The following MALRD1 variants were observed in gnomAD, a reference collection of about 807,000 sequenced individuals.
MALRD1 encodes the protein MAM and LDL receptor class A domain containing 1.
Under a neutral mutation model 242.1 loss-of-function variants are expected in MALRD1, and 247 were observed. That is an observed-to-expected ratio of 1.02 (90% CI 0.92 to 1.13). The LOEUF (loss-of-function observed/expected upper bound fraction) is 1.13, where lower values mean the gene tolerates loss of function less well. Ranked by LOEUF, MALRD1 falls within the 50% of genes most tolerant of loss-of-function variation. The probability of loss-of-function intolerance (pLI) is 0.00; values close to 1 mark genes in which losing one functional copy is unlikely to be tolerated. For missense variants in MALRD1, 2,989 were observed against 2,533.1 expected (o/e 1.18, Z -3.86); for synonymous variants, 995 against 866.6 (o/e 1.15, Z -2.60).
rs1013033672 is a variant in MALRD1, at chr10:19,216,026, C to T, written c.2991+6346C>T. Among the ~76,000 whole-genome samples, 4 of 151,314 alleles carry T rather than the reference C, an allele frequency of 2.6e-5. 1 individual carries two copies. The highest frequency in any genetic ancestry group is 7.3e-5 in the African/African-American group (3 of 41,312). On this transcript the variant is annotated intron_variant, in intron 18 of 39. Coordinates refer to ENST00000454679, the MANE Select transcript of MALRD1 (RefSeq NM_001142308.3). ...TCAAGACCTTTCCTTGTCAGTGATACATTAGAAAGGTAGAGTATTGAAAAA... is the reference window on the plus strand; with the variant it reads ...TCAAGACCTTTCCTTGTCAGTGATATATTAGAAAGGTAGAGTATTGAAAAA...
At chr10:19,485,366 G>A (rs1282137038) in intron 29 of MALRD1, among the ~76,000 whole-genome samples, 1 of 152,054 alleles carries the variant, frequency 6.6e-6, no homozygotes, top group Non-Finnish European at 1.5e-5. Flanking sequence ...AAAGAAGGCC[G>A]GGCACGGTGG....
chr10:19,460,736 T>C (rs1240494875), intron 29 of MALRD1, among the ~76,000 whole-genome samples: 1 of 152,128 alleles, frequency 6.6e-6, no homozygotes, highest in Non-Finnish European at 1.5e-5. Context: ...GTAAACATAG[T>C]ATAAAATGTT....
At chr10:19,612,934 A>G (rs1255411730) in intron 35 of MALRD1, among the ~76,000 whole-genome samples, 3 of 151,978 alleles carry the variant, frequency 2.0e-5, no homozygotes, top group Non-Finnish European at 4.4e-5. Flanking sequence ...TTGGATAGGG[A>G]CACAGAACCA....
chr10:19,561,327 G>A (rs926906644), intron 32 of MALRD1, among the ~76,000 whole-genome samples: 2 of 152,174 alleles, frequency 1.3e-5, no homozygotes, highest in African/African-American at 2.4e-5. Flanking sequence ...CTTTATAAAT[G>A]TAAATTAGAC....
chr10:19,182,053 G>A (rs1398657049), intron 14 of MALRD1, among the ~76,000 whole-genome samples: 2 of 151,794 alleles, frequency 1.3e-5, no homozygotes, highest in African/African-American at 4.8e-5. Flanking sequence ...TTATACTTTA[G>A]GAATTTCTTA....
In MALRD1 at chr10:19,667,594, A is replaced by ACTCTCT. The variant is rs140483883; in HGVS notation, c.6138-24673_6138-24668dup. On this transcript the variant is annotated intron_variant, in intron 36 of 39. Transcript: ENST00000454679. The stretch of plus-strand genomic sequence containing the variant: ...TAAAAGTGTGTGGCACCTCCCTGCC[A>ACTCTCT]CTCTCTCTCTCTCTCTCTCTTGCTT... Among the ~76,000 whole-genome samples, 7 of 139,868 alleles carry ACTCTCT rather than the reference A, an allele frequency of 5.0e-5. No individual in the cohort carries two copies. In the East Asian group the frequency reaches 1.5e-3, roughly 30 times the overall value. The allele number at this position is 139,868 out of a possible 152,430, so 91.8% of individuals were successfully genotyped here.
intron 19 of MALRD1, among the ~76,000 whole-genome samples, chr10:19,262,995 G>A (rs1025868866): frequency 1.6e-4 from 25 of 152,108 alleles, no homozygotes; most frequent in African/African-American, 5.8e-4. Flanking sequence ...ATGTTCCAAT[G>A]TACATATATA....
chr10:19,371,685 C>T (rs1324762399), intron 26 of MALRD1, among the ~76,000 whole-genome samples: 1 of 152,118 alleles, frequency 6.6e-6, no homozygotes, highest in Non-Finnish European at 1.5e-5. Context: ...TTCTGAAAGG[C>T]ATTGTTCTAT....
chr10:19,692,886 T>TATATATATATATATAA (rs373717863), intron 38 of MALRD1, among the ~76,000 whole-genome samples: 2,014 of 136,784 alleles, frequency 0.015, 49 homozygotes, highest in East Asian at 0.062. Context: ...TATATATATA[T>TATATATATATATATAA]AATTTCATCC....
intron 9 of MALRD1, among the ~76,000 whole-genome samples, chr10:19,135,302 G>T (rs1347399980): frequency 6.6e-6 from 1 of 152,140 alleles, no homozygotes; most frequent in Non-Finnish European, 1.5e-5. Context: ...CTACAGGCAT[G>T]TGCCACCATG....
At chr10:19,245,196 C>A (rs770234362) in intron 18 of MALRD1, among the ~76,000 whole-genome samples, 9 of 152,136 alleles carry the variant, frequency 5.9e-5, no homozygotes, top group Non-Finnish European at 1.2e-4. Flanking sequence ...TGAGAGTTCA[C>A]AATGAGATGC....
chr10:19,069,798 C>A (rs1014388623), intron 2 of MALRD1, among the ~76,000 whole-genome samples: 5 of 149,712 alleles, frequency 3.3e-5, no homozygotes, highest in Admixed American at 6.7e-5. Flanking sequence ...TTGATGCTTT[C>A]AAAATTCGGT....
At chr10:19,177,939 C>A (rs947273515) in intron 14 of MALRD1, among the ~76,000 whole-genome samples, 78 of 152,030 alleles carry the variant, frequency 5.1e-4, no homozygotes, top group African/African-American at 1.8e-3. Flanking sequence ...TGTTTATGAC[C>A]AGCGCTCACA....
At chr10:19,662,507 AG>A (rs1380622992) in intron 36 of MALRD1, among the ~76,000 whole-genome samples, 13 of 152,186 alleles carry the variant, frequency 8.5e-5, no homozygotes, top group Non-Finnish European at 2.9e-5. Flanking sequence ...AGGAATCCAA[AG>A]GACTCTCCCA....
At chr10:19,382,031 A>T (rs1331018894) in intron 26 of MALRD1, among the ~76,000 whole-genome samples, 1 of 152,132 alleles carries the variant, frequency 6.6e-6, no homozygotes, top group East Asian at 1.9e-4. Flanking sequence ...ATACTTGAGA[A>T]ATAGCTTATA....
chr10:19,727,567 G>T (rs976948187), intron 38 of MALRD1, among the ~76,000 whole-genome samples: 4 of 152,002 alleles, frequency 2.6e-5, no homozygotes, highest in Non-Finnish European at 4.4e-5. Flanking sequence ...GCATGATAAG[G>T]GAGAAAAACT....
intron 34 of MALRD1, chr10:19,598,376 C>T (rs966467634): frequency 6.6e-5 from 10 of 151,592 alleles, no homozygotes; most frequent in African/African-American, 2.4e-4. Flanking sequence ...GGCTCTTGGT[C>T]TTGCTTTGTT....
chr10:19,415,579 AT>A (rs1362965018), intron 28 of MALRD1, among the ~76,000 whole-genome samples: 1 of 152,216 alleles, frequency 6.6e-6, no homozygotes, highest in African/African-American at 2.4e-5. Flanking sequence ...ACTTAAAAAA[AT>A]AAGATATATT....
chr10:19,080,051 T>C (rs1835435403), intron 2 of MALRD1, among the ~76,000 whole-genome samples: 1 of 151,638 alleles, frequency 6.6e-6, no homozygotes, highest in African/African-American at 2.4e-5. Context: ...CTGAAGAATA[T>C]AGTTAACAAG....
Sources: allele counts gnomAD v4.1 joint callset (sites outside exome capture counted in the v4.1 genomes callset), GRCh38; gene constraint gnomAD v4.1.1; transcripts MANE v1.5; gene names NCBI Gene and HGNC (gene_info 2026-07-23, HGNC 2026-07-21).